Variants in ELMO1 observed in about 807,000 individuals in gnomAD.
The protein encoded by ELMO1 is engulfment and cell motility 1.
Under a neutral mutation model 98.9 loss-of-function variants are expected in ELMO1, and 26 were observed. The observed-to-expected ratio is 0.26, with a 90% CI of 0.19 to 0.36. The LOEUF (loss-of-function observed/expected upper bound fraction) is 0.36, where lower values mean the gene tolerates loss of function less well. Ranked by LOEUF, ELMO1 falls within the 10% of genes least tolerant of loss-of-function variation. The pLI is 1.00. For missense variants in ELMO1, 627 were observed against 935.2 expected, an observed-to-expected ratio of 0.67 and a Z score of 4.30; for synonymous variants, 346 against 346.0, an observed-to-expected ratio of 1.00 and a Z score of 0.00.
chr7:37,386,331 A>G (rs1032475606), intron 1 of ELMO1, among the ~76,000 whole-genome samples: 1 of 151,656 alleles, frequency 6.6e-6, no homozygotes, highest in Non-Finnish European at 1.5e-5. Context: ...ACAGAGATAG[A>G]TGATTCCTGC....
At chr7:36,998,696 C>A (rs1792404687) in intron 16 of ELMO1, among the ~76,000 whole-genome samples, 1 of 151,986 alleles carries the variant, frequency 6.6e-6, no homozygotes, top group Non-Finnish European at 1.5e-5. Context: ...CACCGGAGGC[C>A]ATTCTTTGTC....
At chr7:36,950,370 T>C (rs1023385286) in intron 16 of ELMO1, among the ~76,000 whole-genome samples, 1 of 152,198 alleles carries the variant, frequency 6.6e-6, no homozygotes, top group Non-Finnish European at 1.5e-5. Context: ...TCAAAAGATC[T>C]GTTTTCCTTC....
chr7:37,012,528 G>A (rs1282626026), intron 16 of ELMO1, among the ~76,000 whole-genome samples: 1 of 152,170 alleles, frequency 6.6e-6, no homozygotes, highest in Non-Finnish European at 1.5e-5. Context: ...ACTAAAGGCT[G>A]CAATAGTTAT....
intron 11 of ELMO1, 140 bp downstream of exon 11, chr7:37,216,505 T>C (rs999447384): frequency 6.0e-5 from 59 of 984,540 alleles, no homozygotes; most frequent in Non-Finnish European, 8.7e-5. Context: ...AAACTCACTT[T>C]TTCCTTCATT....
At chr7:36,902,705 G>C (rs1347395426) in intron 16 of ELMO1, among the ~76,000 whole-genome samples, 1 of 152,216 alleles carries the variant, frequency 6.6e-6, no homozygotes, top group African/African-American at 2.4e-5. Context: ...GGTGTCTTTG[G>C]TAAGTGATGG....
chr7:37,192,353 G>C (rs1359867621), intron 13 of ELMO1, among the ~76,000 whole-genome samples: 1 of 151,712 alleles, frequency 6.6e-6, no homozygotes, highest in African/African-American at 2.4e-5. Context: ...AAATTCGCTG[G>C]ATGTGGTGGT....
At chr7:37,338,744 T>G (rs2723991) in intron 2 of ELMO1, among the ~76,000 whole-genome samples, 70,446 of 152,008 alleles carry the variant, frequency 0.46, 17,134 homozygotes, top group Non-Finnish European at 0.56. Flanking sequence ...AGCATCCTCA[T>G]CCTCAAGCGG....
chr7:36,943,903 T>C (rs1252928066), intron 16 of ELMO1, among the ~76,000 whole-genome samples: 3 of 152,244 alleles, frequency 2.0e-5, no homozygotes, highest in Non-Finnish European at 4.4e-5. Flanking sequence ...CTAGACAGGG[T>C]CTGCACAATC....
rs57974141 is a variant in ELMO1, at chr7:37,315,798, T to C, written c.119+122A>G. On this transcript the variant is annotated intron_variant, in intron 3 of 21. Coordinates refer to ENST00000310758, the MANE Select transcript of ELMO1 (RefSeq NM_014800.11). ...TGATATTCCTACACAGTAATTCTTATTGACTTTGAGCAAGTCAGTGGGTGA... is the reference window on the plus strand; with the variant it reads ...TGATATTCCTACACAGTAATTCTTACTGACTTTGAGCAAGTCAGTGGGTGA... 8,475 of 860,914 alleles carry C rather than the reference T, an allele frequency of 9.8e-3. 233 individuals are homozygous for C. The highest frequency in any genetic ancestry group is 0.087 in the East Asian group (3,421 of 39,408). 53.3% of individuals were successfully genotyped at this position (860,914 alleles called of 1,614,324 possible). A position where few individuals can be genotyped will look rare whatever the true frequency, so the allele number is the denominator to read the frequency against.
At chr7:37,037,278 T>G (rs1795230897) in intron 15 of ELMO1, among the ~76,000 whole-genome samples, 1 of 152,206 alleles carries the variant, frequency 6.6e-6, no homozygotes, top group South Asian at 2.1e-4. Flanking sequence ...TTCCTGTGCA[T>G]TATGTGGAAG....
intron 13 of ELMO1, among the ~76,000 whole-genome samples, chr7:37,180,922 T>C (rs1391192921): frequency 6.6e-6 from 1 of 152,146 alleles, no homozygotes; most frequent in Non-Finnish European, 1.5e-5. Context: ...TGGAAGGTTA[T>C]GCAGAGTTCC....
At chr7:36,964,583 TCTTTC>T (rs1273861519) in intron 16 of ELMO1, among the ~76,000 whole-genome samples, 1 of 152,216 alleles carries the variant, frequency 6.6e-6, no homozygotes, top group Admixed American at 6.5e-5. Context: ...AGTAGATGTT[TCTTTC>T]CTTAAGAATG....
At chr7:37,283,204 G>A (rs1178500361) in intron 4 of ELMO1, among the ~76,000 whole-genome samples, 1 of 152,130 alleles carries the variant, frequency 6.6e-6, no homozygotes, top group African/African-American at 2.4e-5. Context: ...TTTTAATCAA[G>A]GACTTGTGGA....
At chr7:37,157,910 T>C (rs1477947811) in intron 13 of ELMO1, among the ~76,000 whole-genome samples, 7 of 151,442 alleles carry the variant, frequency 4.6e-5, no homozygotes, top group Admixed American at 6.6e-5. Flanking sequence ...AACTATACTA[T>C]AAGGCTACAG....
At chr7:37,249,108 G>C (rs1795177895) in intron 6 of ELMO1, among the ~76,000 whole-genome samples, 1 of 152,092 alleles carries the variant, frequency 6.6e-6, no homozygotes. Context: ...TGGGTGCTAG[G>C]GAACATCAAA....
In ELMO1 at chr7:37,222,707, G is replaced by C; in HGVS notation, c.702-14C>G. ...TCTTGATCTGACCTGTAAAGATAGA[G>C]AACAATTCAGAAAATCAGAACACGA... On this transcript the variant is annotated splice_polypyrimidine_tract_variant and intron_variant, in intron 9 of 21. Transcript: ENST00000310758. 1 of 1,610,878 alleles carries C rather than the reference G, an allele frequency of 6.2e-7. No homozygotes were observed. Among genetic ancestry groups the C allele is most frequent in the East Asian group, 2.2e-5 (1 of 44,778 alleles).
chr7:37,393,470 T>TA (rs1403814577), intron 1 of ELMO1, among the ~76,000 whole-genome samples: 3 of 152,120 alleles, frequency 2.0e-5, no homozygotes, highest in East Asian at 1.9e-4. Flanking sequence ...GTACATTATT[T>TA]AAAAAAAATC....
At chr7:37,412,371 C>T (rs994428904) in intron 1 of ELMO1, among the ~76,000 whole-genome samples, 1 of 152,204 alleles carries the variant, frequency 6.6e-6, no homozygotes, top group East Asian at 1.9e-4. Context: ...CCCCTGACTT[C>T]TACTTTATCT....
intron 13 of ELMO1, among the ~76,000 whole-genome samples, chr7:37,139,161 G>T (rs1307720249): frequency 6.6e-6 from 1 of 152,100 alleles, no homozygotes; most frequent in Non-Finnish European, 1.5e-5. Context: ...CTGAGAACTA[G>T]AACAGACAAG....
Sources: gnomAD v4.1 joint callset for allele counts (sites outside exome capture counted in the v4.1 genomes callset) on GRCh38, gnomAD v4.1.1 for gene constraint, MANE v1.5 for transcripts, NCBI Gene and HGNC (gene_info 2026-07-23, HGNC 2026-07-21) for gene names.